The following CA12 variants were observed in gnomAD, a reference collection of about 807,000 sequenced individuals.
The protein encoded by CA12 is carbonic anhydrase 12, also known as carbonate dehydratase XII.
CA12 carries 36 observed loss-of-function variants against 46.8 expected under a neutral mutation model. That is an observed-to-expected ratio of 0.77 (90% confidence interval 0.59 to 1.02). The LOEUF is 1.02. CA12 is among the 50% of genes least tolerant of loss of function. CA12 has a pLI of 0.00. For synonymous variants in CA12, 202 were observed against 187.0 expected (o/e 1.08, Z -0.65); for missense variants, 436 against 451.4 (o/e 0.97, Z 0.31).
intron 2 of CA12, among the ~76,000 whole-genome samples, chr15:63,349,047 G>A (rs2039190875): frequency 6.6e-6 from 1 of 152,182 alleles, no homozygotes; most frequent in Non-Finnish European, 1.5e-5. Flanking sequence ...CAGCTATGTT[G>A]GACCAGGGGA....
chr15:63,328,509 G>T lies in CA12; in HGVS notation c.875-379C>A, dbSNP rs2038897621. On this transcript the variant is annotated intron_variant, in intron 8 of 10. Coordinates refer to ENST00000178638, the MANE Select transcript of CA12 (RefSeq NM_001218.5). The surrounding 1 kb of genome is among the most constrained non-coding windows in gnomAD (Gnocchi z 5.9). ...TGCCACCACACCCAGCTAATTTTTG[G>T]ATTTTTAGTAGAGACAGGGTTTCAC... Among the ~76,000 whole-genome samples the T allele has an allele frequency of 6.6e-6, 1 of 151,770 alleles. No individual in the cohort carries two copies.
In CA12 at chr15:63,322,682, G is replaced by A. The variant is rs1259577868; in HGVS notation, c.*3603C>T. 6.6e-6 allele frequency: 1 copy of A among 152,262 alleles called. No individual in the cohort carries two copies. The highest frequency in any genetic ancestry group is 2.4e-5 in the African/African-American group (1 of 41,470). The allele number at this position is 152,262 out of a possible 1,614,324, so 9.4% of individuals were successfully genotyped here. A position where few individuals can be genotyped will look rare whatever the true frequency, so the allele number is the denominator to read the frequency against. On this transcript the variant is annotated 3_prime_UTR_variant, in exon 11 of 11. Coordinates refer to ENST00000178638, the MANE Select transcript of CA12 (RefSeq NM_001218.5). This position sits in a 1 kb window ranked among gnomAD's most constrained non-coding sequence, Gnocchi z 4.1. ...GCTCCAGGAGTGCTCTCCCCAGTGG[G>A]GTGGGAGCAAGTCCAAGGAGTGAGT...
chr15:63,327,338 G>T lies in CA12; in HGVS notation c.908-105C>A. 1 of 862,614 alleles carries T rather than the reference G, an allele frequency of 1.2e-6. No individual in the cohort carries two copies. The highest frequency in any genetic ancestry group is 1.9e-6 in the Non-Finnish European group (1 of 521,914). The allele number at this position is 862,614 out of a possible 1,614,324, so 53.4% of individuals were successfully genotyped here. A position where few individuals can be genotyped will look rare whatever the true frequency, so the allele number is the denominator to read the frequency against. On this transcript the variant is annotated intron_variant, in intron 9 of 10. Coordinates refer to ENST00000178638, the MANE Select transcript of CA12 (RefSeq NM_001218.5). The surrounding 1 kb of genome is among the most constrained non-coding windows in gnomAD (Gnocchi z 4.5). Reference sequence around the variant, plus strand: ...TGGCCCAGCTGCATAATCATCCACAGAAAGGAATAATTTCCCCATCCCTGT... The same window carrying T: ...TGGCCCAGCTGCATAATCATCCACATAAAGGAATAATTTCCCCATCCCTGT...
rs1270952450 is a variant in CA12 at position 63,355,797 on chromosome 15, TTCA to T, written c.107-9091_107-9089del. ...ATCCTCCTTCATCTTCCTTGGCCCA[TTCA>T]TGTGAGGAATCGTGCTAGATGTGAA... On this transcript the variant is annotated intron_variant, in intron 2 of 10. Coordinates refer to ENST00000178638, the MANE Select transcript of CA12 (RefSeq NM_001218.5). The surrounding 1 kb of genome is among the most constrained non-coding windows in gnomAD (Gnocchi z 4.1). 6.6e-6 allele frequency among the ~76,000 whole-genome samples: 1 copy of T among 152,170 alleles called. No individual in the cohort carries two copies. The highest frequency in any genetic ancestry group is 1.5e-5 in the Non-Finnish European group (1 of 68,034).
intron 10 of CA12, 152 bp from the exon 11 acceptor site, chr15:63,326,509 T>C (rs903581262): frequency 1.4e-6 from 1 of 695,314 alleles, no homozygotes; most frequent in African/African-American, 1.8e-5. Context: ...GGAGGGAGTG[T>C]CACCAAATAA....
chr15:63,326,676 C>T (rs963614390), intron 10 of CA12, among the ~76,000 whole-genome samples: 2 of 151,670 alleles, frequency 1.3e-5, no homozygotes, highest in Middle Eastern at 3.4e-3. Context: ...TTTTTCATAC[C>T]CCCCCCAAAT....
intron 10 of CA12, among the ~76,000 whole-genome samples, chr15:63,326,646 G>C (rs2038870853): frequency 6.6e-6 from 1 of 151,934 alleles, no homozygotes; most frequent in Non-Finnish European, 1.5e-5. Flanking sequence ...TCCATAACAG[G>C]GTTCCCAGAA....
Position 63,325,344 on chromosome 15 carries a change from T to A in CA12, c.*941A>T, listed in dbSNP as rs2038851953. On this transcript the variant is annotated 3_prime_UTR_variant, in exon 11 of 11. Coordinates refer to ENST00000178638, the MANE Select transcript of CA12 (RefSeq NM_001218.5). The surrounding 1 kb of genome is among the most constrained non-coding windows in gnomAD (Gnocchi z 4.9). ...AAGGCAGATTGGGTCATCTCGGAAC[T>A]CATGTCTCCTCCAGGACACAGCAAC... The A allele has an allele frequency of 6.6e-6, 1 of 152,184 alleles. No homozygotes were observed. Among genetic ancestry groups the A allele is most frequent in the Admixed American group, 6.5e-5 (1 of 15,270 alleles). The allele number at this position is 152,184 out of a possible 1,614,324, so 9.4% of individuals were successfully genotyped here.
rs2039057917 is a variant in CA12 at position 63,340,174 on chromosome 15, T to C, written c.747+114A>G. 4.8e-6 allele frequency: 6 copies of C among 1,253,966 alleles called. No individual in the cohort carries two copies. The Admixed American group carries it at 1.2e-4, about 24-fold the overall frequency. The allele number at this position is 1,253,966 out of a possible 1,614,324, so 77.7% of individuals were successfully genotyped here. On this transcript the variant is annotated intron_variant, in intron 7 of 10. Coordinates refer to ENST00000178638, the MANE Select transcript of CA12 (RefSeq NM_001218.5). The surrounding 1 kb of genome is among the most constrained non-coding windows in gnomAD (Gnocchi z 4.4). ...GACACCTGTGATATTTGGAGAGGTTTTGAAGAGCTGCCAATGAAACTAAAT... is the reference window on the plus strand; with the variant it reads ...GACACCTGTGATATTTGGAGAGGTTCTGAAGAGCTGCCAATGAAACTAAAT...
intron 1 of CA12, among the ~76,000 whole-genome samples, chr15:63,377,059 C>T (rs768563677): frequency 2.0e-5 from 3 of 152,144 alleles, no homozygotes; most frequent in Non-Finnish European, 4.4e-5. Context: ...CCCACTACTT[C>T]GCACTCCACA....
chr15:63,345,631 G>A lies in CA12; in HGVS notation c.287-12C>T. On this transcript the variant is annotated splice_polypyrimidine_tract_variant and intron_variant, in intron 3 of 10. Transcript: ENST00000178638. This position sits in a 1 kb window ranked among gnomAD's most constrained non-coding sequence, Gnocchi z 4.3. ...CAGGTTCAGCTTCACTGCGGGGAGTGGAGGAGCAGCCTTCAGAGCCCCGGC... is the reference window on the plus strand; with the variant it reads ...CAGGTTCAGCTTCACTGCGGGGAGTAGAGGAGCAGCCTTCAGAGCCCCGGC... 1 of 1,610,200 alleles carries A rather than the reference G, an allele frequency of 6.2e-7. No homozygotes were observed. Among genetic ancestry groups the A allele is most frequent in the Non-Finnish European group, 8.5e-7 (1 of 1,179,716 alleles).
intron 2 of CA12, among the ~76,000 whole-genome samples, chr15:63,347,506 T>C (rs1273398073): frequency 6.6e-6 from 1 of 152,206 alleles, no homozygotes; most frequent in East Asian, 1.9e-4. Flanking sequence ...TATTACAATA[T>C]AATTGACACA....
rs1236543228 is a variant in CA12, at chr15:63,345,391, G to A, written c.429+86C>T. The stretch of plus-strand genomic sequence containing the variant: ...CTGAAGGCAGCCTGTCCCATGCTCT[G>A]GTGTTATCTGCACAGCAGCCAGGTC... On this transcript the variant is annotated intron_variant, in intron 4 of 10. Transcript: ENST00000178638. The surrounding 1 kb of genome is among the most constrained non-coding windows in gnomAD (Gnocchi z 4.3). 2.4e-5 allele frequency: 37 copies of A among 1,544,972 alleles called. No homozygotes were observed. Among genetic ancestry groups the A allele is most frequent in the Non-Finnish European group, 2.6e-5 (29 of 1,136,210 alleles).
chr15:63,345,330 G>A lies in CA12; in HGVS notation c.429+147C>T, dbSNP rs372316420. The stretch of plus-strand genomic sequence containing the variant: ...AGCTACAGGCTAGTGGAGTGGCTGC[G>A]CCCCTTGTGCCAGGGCCAGAGGTGG... On this transcript the variant is annotated intron_variant, in intron 4 of 10. Transcript: ENST00000178638. This position sits in a 1 kb window ranked among gnomAD's most constrained non-coding sequence, Gnocchi z 4.3. The A allele has an allele frequency of 9.4e-5, 87 of 925,974 alleles. No homozygotes were observed. The highest frequency in any genetic ancestry group is 7.9e-4 in the Middle Eastern group (3 of 3,818). The allele number at this position is 925,974 out of a possible 1,614,324, so 57.4% of individuals were successfully genotyped here.
rs1181876797 is a variant in CA12, at chr15:63,322,758, A to G, written c.*3527T>C. 2 of 152,296 alleles carry G rather than the reference A, an allele frequency of 1.3e-5. No homozygotes were observed. Among genetic ancestry groups the G allele is most frequent in the African/African-American group, 2.4e-5 (1 of 41,466 alleles). 9.4% of individuals were successfully genotyped at this position (152,296 alleles called of 1,614,324 possible). On this transcript the variant is annotated 3_prime_UTR_variant, in exon 11 of 11. Coordinates refer to ENST00000178638, the MANE Select transcript of CA12 (RefSeq NM_001218.5). The surrounding 1 kb of genome is among the most constrained non-coding windows in gnomAD (Gnocchi z 4.1). ...GCTGTCTTCATGCCTGTGCGTGGCC[A>G]TGACACCTGGCAGGATGCCAGAGCA...
chr15:63,372,858 C>G lies in CA12; in HGVS notation c.106+2800G>C, dbSNP rs758181345. 6.6e-6 allele frequency among the ~76,000 whole-genome samples: 1 copy of G among 152,242 alleles called. No individual in the cohort carries two copies. Among genetic ancestry groups the G allele is most frequent in the South Asian group, 2.1e-4 (1 of 4,836 alleles). ...GCCCATGTCACTAATAAAAACCAGA[C>G]TTGCCTTTGTGCTTACCCCATGCAT... On this transcript the variant is annotated intron_variant, in intron 2 of 10. Transcript: ENST00000178638. This position sits in a 1 kb window ranked among gnomAD's most constrained non-coding sequence, Gnocchi z 4.5.
chr15:63,367,063 C>CA (rs1555431793), intron 2 of CA12, among the ~76,000 whole-genome samples: 6,181 of 152,310 alleles, frequency 0.041, 154 homozygotes, highest in Middle Eastern at 0.058. Flanking sequence ...CTGAGACTAC[C>CA]GCACATGCCA....
chr15:63,344,243 T>C (rs1258533576), intron 4 of CA12, among the ~76,000 whole-genome samples: 1 of 152,232 alleles, frequency 6.6e-6, no homozygotes, highest in Non-Finnish European at 1.5e-5. Context: ...ACCTCTTGCC[T>C]CTTACCTCCC....
chr15:63,370,493 C>G (rs532304536), intron 2 of CA12, among the ~76,000 whole-genome samples: 2 of 150,880 alleles, frequency 1.3e-5, no homozygotes, highest in East Asian at 3.9e-4. Context: ...CATATCTGGG[C>G]GGGGCACGGT....
Sources: gnomAD v4.1 joint callset for allele counts (sites outside exome capture counted in the v4.1 genomes callset) on GRCh38, gnomAD v4.1.1 for gene constraint, Gnocchi (gnomAD v3.1) non-coding constraint, MANE v1.5 for transcripts, NCBI Gene and HGNC (gene_info 2026-07-23, HGNC 2026-07-21) for gene names.